Variants in LARGE1 observed in about 807,000 individuals in gnomAD.
The protein encoded by LARGE1 is LARGE xylosyl- and glucuronyltransferase 1.
Under a neutral mutation model 87.6 loss-of-function variants are expected in LARGE1, and 43 were observed. The observed-to-expected ratio is 0.49, with a 90% CI of 0.38 to 0.63. The LOEUF is 0.63. LARGE1 is among the 30% of genes least tolerant of loss of function. The pLI, the probability that LARGE1 is intolerant of heterozygous loss-of-function variation, is 0.00. For synonymous variants in LARGE1, 434 were observed against 394.6 expected (o/e 1.10, Z -1.18); for missense variants, 802 against 1,000.2 (o/e 0.80, Z 2.67).
At chr22:33,744,170 G>C (rs2083993785) in intron 2 of LARGE1, 1 of 152,142 alleles carries the variant, frequency 6.6e-6, no homozygotes, top group Admixed American at 6.5e-5. Flanking sequence ...AAAACGAAAG[G>C]AATAAAACAA....
chr22:33,324,558 C>T (rs1019579847), intron 10 of LARGE1, among the ~76,000 whole-genome samples: 2 of 152,174 alleles, frequency 1.3e-5, no homozygotes, highest in Non-Finnish European at 2.9e-5. Context: ...CCAGCTGAGG[C>T]AGAGGGAAAT....
intron 9 of LARGE1, among the ~76,000 whole-genome samples, chr22:33,342,387 A>C (rs1206804227): frequency 6.6e-6 from 1 of 152,230 alleles, no homozygotes; most frequent in Non-Finnish European, 1.5e-5. Context: ...TACTTAAGAG[A>C]CATGGTCTCA....
intron 6 of LARGE1, among the ~76,000 whole-genome samples, chr22:33,497,726 T>C (rs1157249204): frequency 6.6e-6 from 1 of 152,230 alleles, no homozygotes; most frequent in African/African-American, 2.4e-5. Context: ...CTAACACTGC[T>C]AAATATCTGT....
At chr22:33,650,973 T>A (rs370975752) in intron 2 of LARGE1, among the ~76,000 whole-genome samples, 1 of 151,904 alleles carries the variant, frequency 6.6e-6, no homozygotes, top group East Asian at 1.9e-4. Context: ...CTAAGTAGGC[T>A]TCTTAACAAT....
chr22:33,738,883 T>C (rs994804086), intron 2 of LARGE1, among the ~76,000 whole-genome samples: 1 of 150,770 alleles, frequency 6.6e-6, no homozygotes, highest in Non-Finnish European at 1.5e-5. Flanking sequence ...CTTCCCAGTT[T>C]CCATGGACTG....
chr22:33,592,484 A>G (rs5749634), intron 5 of LARGE1, among the ~76,000 whole-genome samples: 36,573 of 152,086 alleles, frequency 0.24, 5,002 homozygotes, highest in East Asian at 0.35. Flanking sequence ...TAAAGAGTTA[A>G]AAGATACCAC....
chr22:33,441,925 T>C (rs1569166200), intron 6 of LARGE1, among the ~76,000 whole-genome samples: 1 of 152,228 alleles, frequency 6.6e-6, no homozygotes, highest in Non-Finnish European at 1.5e-5. Context: ...TTTGATTGCT[T>C]GGGTTTCAGT....
intron 1 of LARGE1, among the ~76,000 whole-genome samples, chr22:33,788,842 A>G (rs1291423480): frequency 6.6e-6 from 1 of 152,188 alleles, no homozygotes; most frequent in African/African-American, 2.4e-5. Context: ...AAAAGCATTC[A>G]GTTTTAAGTA....
At chr22:33,177,280 T>C (rs1670804689) in intron 11 of LARGE1, among the ~76,000 whole-genome samples, 1 of 152,206 alleles carries the variant, frequency 6.6e-6, no homozygotes, top group Admixed American at 6.5e-5. Flanking sequence ...GTTCTGCACA[T>C]GTACCCCAGA....
At chr22:33,237,407 T>C (rs936516263) in intron 11 of LARGE1, among the ~76,000 whole-genome samples, 2 of 151,638 alleles carry the variant, frequency 1.3e-5, no homozygotes, top group African/African-American at 4.9e-5. Flanking sequence ...CAAAAAGACA[T>C]GCAAATCCTG....
At chr22:33,070,359 C>T in the LARGE1 span, among the ~76,000 whole-genome samples, 1 of 152,158 alleles carries the variant, frequency 6.6e-6, no homozygotes, top group Non-Finnish European at 1.5e-5. Flanking sequence ...GAGATGACTT[C>T]GATCCCTCTG....
At chr22:33,851,177 C>T (rs911027858) in intron 1 of LARGE1, among the ~76,000 whole-genome samples, 1 of 152,176 alleles carries the variant, frequency 6.6e-6, no homozygotes, top group African/African-American at 2.4e-5. Context: ...GATTACTGAC[C>T]CTGTTTTTTA....
intron 5 of LARGE1, among the ~76,000 whole-genome samples, chr22:33,600,364 G>A (rs1019864051): frequency 3.9e-5 from 6 of 152,130 alleles, no homozygotes; most frequent in African/African-American, 7.2e-5. Context: ...AAAAACAGAC[G>A]TGATCCTGGT....
chr22:33,398,889 C>T (rs554818419), intron 7 of LARGE1, among the ~76,000 whole-genome samples: 2 of 152,292 alleles, frequency 1.3e-5, no homozygotes, highest in African/African-American at 2.4e-5. Flanking sequence ...GAAGAATTTT[C>T]CCCTAGAGGC....
the LARGE1 span, among the ~76,000 whole-genome samples, chr22:33,131,990 C>T: frequency 6.6e-6 from 1 of 151,588 alleles, no homozygotes; most frequent in Non-Finnish European, 1.5e-5. Flanking sequence ...TTAAAACCAT[C>T]AGATCTCATA....
intron 10 of LARGE1, among the ~76,000 whole-genome samples, chr22:33,327,881 T>C (rs1235237054): frequency 6.6e-6 from 1 of 152,194 alleles, no homozygotes; most frequent in Non-Finnish European, 1.5e-5. Flanking sequence ...GGGATGCTTC[T>C]GGCACACCAC....
At chr22:33,892,825 T>A (rs1466931140) in intron 1 of LARGE1, among the ~76,000 whole-genome samples, 1 of 152,258 alleles carries the variant, frequency 6.6e-6, no homozygotes, top group Non-Finnish European at 1.5e-5. Context: ...CACAGTGTTA[T>A]TTTTTCATGG....
In LARGE1 at chr22:33,650,668, T is replaced by C; in HGVS notation, c.107A>G (p.Asp36Gly). The C allele has an allele frequency of 1.3e-6, 2 of 1,599,656 alleles. No homozygotes were observed. Among genetic ancestry groups the C allele is most frequent in the Non-Finnish European group, 1.7e-6 (2 of 1,179,942 alleles). Residue 36 changes from aspartate (D) to glycine (G), a missense_variant and splice_region_variant, in exon 3 of 15, where the codon GAT becomes GGT. Asp to Gly is a moderately conservative substitution (Grantham distance 94). Transcript: ENST00000397394. ...CGGTGACAGAGACACGGGCTTTCCATCTGGGGAGCGAAACACCAGGGAAGC... is the reference window on the plus strand; with the variant it reads ...CGGTGACAGAGACACGGGCTTTCCACCTGGGGAGCGAAACACCAGGGAAGC... ...WIYLFSGSFE[D>G]GKPVSLSPLE...
chr22:33,711,595 G>A (rs545073064), intron 2 of LARGE1, among the ~76,000 whole-genome samples: 1 of 152,260 alleles, frequency 6.6e-6, no homozygotes, highest in Admixed American at 6.5e-5. Context: ...ACACCTCTGA[G>A]ACCAGACTAA....
Sources: allele counts gnomAD v4.1 joint callset (sites outside exome capture counted in the v4.1 genomes callset), GRCh38; gene constraint gnomAD v4.1.1; transcripts MANE v1.5; gene names NCBI Gene and HGNC (gene_info 2026-07-23, HGNC 2026-07-21).